ACAD11: variants seen among roughly 807,000 people sequenced by gnomAD.
ACAD11 encodes the protein acyl-CoA dehydrogenase family member 11.
In ACAD11, 83 loss-of-function variants were observed where a neutral mutation model predicts 102.2. The ratio of observed to expected loss-of-function variants is 0.81; its 90% CI spans 0.68 to 0.97. ACAD11 has a LOEUF of 0.97. Among genes scored for constraint, ACAD11 ranks in the 50% least tolerant of loss-of-function variants. The pLI is 0.00. For synonymous variants in ACAD11, 324 were observed against 319.8 expected (o/e 1.01, Z -0.14); for missense variants, 901 against 951.7 (o/e 0.95, Z 0.70).
At chr3:132,622,743 G>T (rs1253673731) in intron 9 of ACAD11, among the ~76,000 whole-genome samples, 1 of 152,120 alleles carries the variant, frequency 6.6e-6, no homozygotes, top group Non-Finnish European at 1.5e-5. Flanking sequence ...TTGGTGCCTG[G>T]TCAATCTTCC....
intron 7 of ACAD11, among the ~76,000 whole-genome samples, chr3:132,630,114 G>T (rs1939977726): frequency 6.6e-6 from 1 of 152,040 alleles, no homozygotes; most frequent in Non-Finnish European, 1.5e-5. Flanking sequence ...ATCATCAAAA[G>T]ATTTTAGCTT....
intron 13 of ACAD11, among the ~76,000 whole-genome samples, chr3:132,580,218 A>C (rs1022873057): frequency 6.6e-6 from 1 of 152,076 alleles, no homozygotes; most frequent in Non-Finnish European, 1.5e-5. Context: ...TTTCTGATTT[A>C]TTATAAAAAG....
chr3:132,652,317 T>C (rs1940958046), intron 1 of ACAD11, among the ~76,000 whole-genome samples: 1 of 152,174 alleles, frequency 6.6e-6, no homozygotes. Flanking sequence ...TCTGCCATGA[T>C]TGTGAGGACT....
intron 13 of ACAD11, among the ~76,000 whole-genome samples, chr3:132,585,636 A>C (rs904184459): frequency 7.9e-5 from 12 of 152,156 alleles, no homozygotes; most frequent in African/African-American, 2.9e-4. Context: ...ACTCAAACAA[A>C]TTTACAAGAA....
At position 132,631,454 on chromosome 3, in the gene ACAD11, C is replaced by T; in HGVS notation, c.728G>A (p.Trp243Ter). 1 of 1,528,648 alleles carries T rather than the reference C, an allele frequency of 6.5e-7. No individual in the cohort carries two copies. Among genetic ancestry groups the T allele is most frequent in the African/African-American group, 1.4e-5 (1 of 72,108 alleles). The allele number at this position is 1,528,648 out of a possible 1,614,324, so 94.7% of individuals were successfully genotyped here. A position where few individuals can be genotyped will look rare whatever the true frequency, so the allele number is the denominator to read the frequency against. Reference protein sequence around the residue: ...KECRVIAVLDWELSTIGHPLS... With the variant: ...KECRVIAVLD Reference sequence around the variant, plus strand: ...AGGATGACCAATGGTTGACAGCTCCCAATCCAGCACTGCTATAACTCGACA... The same window carrying T: ...AGGATGACCAATGGTTGACAGCTCCTAATCCAGCACTGCTATAACTCGACA... The change falls in exon 6 of 20, where the codon TGG becomes TAG. Residue 243 changes from tryptophan (W) to a stop codon, truncating the protein, a stop_gained. Transcript: ENST00000264990. LOFTEE classifies it high-confidence loss of function.
intron 11 of ACAD11, among the ~76,000 whole-genome samples, chr3:132,607,704 G>C (rs1213415741): frequency 6.6e-6 from 1 of 152,164 alleles, no homozygotes; most frequent in Admixed American, 6.5e-5. Flanking sequence ...ACACTCCTCA[G>C]GATATTATCC....
At chr3:132,577,055 A>C (rs756161332) in intron 15 of ACAD11, 40 bp from the exon 16 acceptor site, 2 of 1,226,106 alleles carry the variant, frequency 1.6e-6, no homozygotes, top group Non-Finnish European at 2.4e-6. Flanking sequence ...AAAGGAGTTG[A>C]CTAAAAAAGA....
chr3:132,651,094 T>C (rs1940917473), intron 1 of ACAD11, among the ~76,000 whole-genome samples: 1 of 152,176 alleles, frequency 6.6e-6, no homozygotes, highest in African/African-American at 2.4e-5. Context: ...GCTTCTTAAG[T>C]GGTAGATGTT....
rs1217647006 is a variant in ACAD11 at position 132,642,119 on chromosome 3, A to G, written c.390T>C (p.Arg130=). The G allele has an allele frequency of 1.2e-6, 2 of 1,613,812 alleles. No homozygotes were observed. The highest frequency in any genetic ancestry group is 3.3e-5 in the Admixed American group (2 of 59,958). The stretch of plus-strand genomic sequence containing the variant: ...GGCTAAGTCCAGGAATTGTTAAATC[A>G]CGGAAGATTCGACCCTATGGAAGTG... The part of the protein sequence containing the change: ...VMEHVQGRIF[R]DLTIPGLSPA... The change falls in exon 4 of 20, where the codon CGT becomes CGC. Residue 130 remains arginine, a synonymous_variant. Coordinates refer to ENST00000264990, the MANE Select transcript of ACAD11 (RefSeq NM_032169.5).
At chr3:132,624,730 A>G (rs558069197) in intron 9 of ACAD11, among the ~76,000 whole-genome samples, 1 of 150,424 alleles carries the variant, frequency 6.6e-6, no homozygotes, top group South Asian at 2.1e-4. Flanking sequence ...ACTGTTGCCC[A>G]GGCTGGAGTG....
intron 17 of ACAD11, among the ~76,000 whole-genome samples, chr3:132,571,063 T>C (rs1937361898): frequency 6.6e-6 from 1 of 152,186 alleles, no homozygotes; most frequent in South Asian, 2.1e-4. Context: ...ATTTCTGTTT[T>C]AAGTTCTTTG....
intron 13 of ACAD11, among the ~76,000 whole-genome samples, chr3:132,587,064 C>G (rs1033354312): frequency 3.3e-5 from 5 of 152,178 alleles, no homozygotes; most frequent in Admixed American, 3.3e-4. Flanking sequence ...CGCCATTGCA[C>G]TCCAGCCTGG....
At chr3:132,601,312 T>TA in intron 13 of ACAD11, 1 of 1,613,836 alleles carries the variant, frequency 6.2e-7, no homozygotes, top group Non-Finnish European at 8.5e-7. Context: ...TTTATGTTTT[T>TA]ATGGGAGCAT....
intron 11 of ACAD11, among the ~76,000 whole-genome samples, chr3:132,606,690 G>A (rs1205877200): frequency 6.6e-6 from 1 of 152,206 alleles, no homozygotes; most frequent in East Asian, 1.9e-4. Flanking sequence ...GGAAGGGGTG[G>A]CTGTGGGCGC....
At chr3:132,642,214 G>A in intron 3 of ACAD11, 81 bp from the exon 4 acceptor site, 1 of 1,318,660 alleles carries the variant, frequency 7.6e-7, no homozygotes, top group Non-Finnish European at 1.0e-6. Context: ...ATTCATTTGT[G>A]AAACATATTT....
intron 4 of ACAD11, among the ~76,000 whole-genome samples, chr3:132,640,852 C>T (rs556542652): frequency 1.3e-5 from 2 of 152,260 alleles, no homozygotes; most frequent in South Asian, 4.1e-4. Flanking sequence ...CCTTAACCCC[C>T]ACAAAATGAT....
At chr3:132,598,472 CA>C (rs1221969142) in intron 13 of ACAD11, among the ~76,000 whole-genome samples, 1 of 152,164 alleles carries the variant, frequency 6.6e-6, no homozygotes, top group Non-Finnish European at 1.5e-5. Context: ...TTTACAAACA[CA>C]AATCAAATAG....
Position 132,560,464 on chromosome 3 carries a change from G to A in ACAD11, c.2119-522C>T, listed in dbSNP as rs555664545. Among the ~76,000 whole-genome samples, 5 of 152,138 alleles carry A rather than the reference G, an allele frequency of 3.3e-5. No individual in the cohort carries two copies. The East Asian group carries it at 9.7e-4, about 29-fold the overall frequency. On this transcript the variant is annotated intron_variant, in intron 18 of 19. Coordinates refer to ENST00000264990, the MANE Select transcript of ACAD11 (RefSeq NM_032169.5). ...TCTGTCACCCAGAATAGAGTGGAGT[G>A]GCTATTCCCAGGTGTGATCATAGCT...
rs1429153582 is a variant in ACAD11, at chr3:132,575,984, G to T, written c.1847-58C>A. The T allele has an allele frequency of 9.5e-6, 15 of 1,582,928 alleles. No individual in the cohort carries two copies. The East Asian group carries it at 2.9e-4, about 31-fold the overall frequency. On this transcript the variant is annotated intron_variant, in intron 16 of 19. Coordinates refer to ENST00000264990, the MANE Select transcript of ACAD11 (RefSeq NM_032169.5). ...GAAAATGGCCTAGCCCATTCCTTTT[G>T]TTATTTATACAAATCCTGGGAAAGA...
Sources: gnomAD v4.1 joint callset for allele counts (sites outside exome capture counted in the v4.1 genomes callset) on GRCh38, gnomAD v4.1.1 for gene constraint, MANE v1.5 for transcripts, NCBI Gene and HGNC (gene_info 2026-07-23, HGNC 2026-07-21) for gene names.